The following BRIP1 variants were observed in gnomAD, a reference collection of about 807,000 sequenced individuals.
BRIP1 encodes Fanconi anemia group J protein.
In BRIP1, 88 loss-of-function variants were observed where a neutral mutation model predicts 119.7. The observed-to-expected ratio is 0.74, with a 90% CI of 0.62 to 0.88. The LOEUF (loss-of-function observed/expected upper bound fraction) is 0.88, where lower values mean the gene tolerates loss of function less well. BRIP1 is among the 40% of genes least tolerant of loss of function. BRIP1 has a pLI of 0.00. For missense variants in BRIP1, 1,259 were observed against 1,455.4 expected (o/e 0.87, Z 2.20); for synonymous variants, 443 against 496.5 (o/e 0.89, Z 1.43).
At position 61,816,251 on chromosome 17, in the gene BRIP1, T is replaced by C. The variant is rs897027091; in HGVS notation, c.628-7494A>G. On this transcript the variant is annotated intron_variant, in intron 6 of 19. Transcript: ENST00000259008. The surrounding 1 kb of genome is among the most constrained non-coding windows in gnomAD (Gnocchi z 5.0). ...AGATACAGTGTCAGGTGAGAGTGTG[T>C]AATACAAATCCACAACTTTCTTCAT... 1.3e-5 allele frequency among the ~76,000 whole-genome samples: 2 copies of C among 152,182 alleles called. No homozygotes were observed. Among genetic ancestry groups the C allele is most frequent in the African/African-American group, 4.8e-5 (2 of 41,438 alleles).
Position 61,823,968 on chromosome 17 carries a change from C to T in BRIP1, c.628-15211G>A, listed in dbSNP as rs942412643. Among the ~76,000 whole-genome samples the T allele has an allele frequency of 3.3e-5, 5 of 152,176 alleles. No homozygotes were observed. In the South Asian group the frequency reaches 8.3e-4, roughly 25 times the overall value. ...AGCAGAGATTACAGGCATGTGCCGCCGCACCTGCCTAATTTTTTGTATTTT... is the reference window on the plus strand; with the variant it reads ...AGCAGAGATTACAGGCATGTGCCGCTGCACCTGCCTAATTTTTTGTATTTT... On this transcript the variant is annotated intron_variant, in intron 6 of 19. Coordinates refer to ENST00000259008, the MANE Select transcript of BRIP1 (RefSeq NM_032043.3). The surrounding 1 kb of genome is among the most constrained non-coding windows in gnomAD (Gnocchi z 4.8).
intron 16 of BRIP1, among the ~76,000 whole-genome samples, chr17:61,728,273 T>G (rs1422586098): frequency 6.6e-6 from 1 of 151,780 alleles, no homozygotes; most frequent in African/African-American, 2.4e-5. Context: ...AACTCATGCT[T>G]TATCTTAGAA....
intron 10 of BRIP1, among the ~76,000 whole-genome samples, 156 bp from the exon 11 acceptor site, chr17:61,784,580 T>C (rs1292359275): frequency 6.6e-6 from 1 of 152,176 alleles, no homozygotes. Context: ...AAATCTGATA[T>C]TGAAATTTCA....
chr17:61,797,449 T>C (rs1041794491), intron 9 of BRIP1, among the ~76,000 whole-genome samples: 3 of 152,004 alleles, frequency 2.0e-5, no homozygotes, highest in South Asian at 2.1e-4. Flanking sequence ...TATTTGGCAA[T>C]ATAGAGATCA....
At chr17:61,765,486 G>A (rs1180874467) in intron 14 of BRIP1, among the ~76,000 whole-genome samples, 10 of 121,468 alleles carry the variant, frequency 8.2e-5, no homozygotes, top group Non-Finnish European at 1.6e-5. Context: ...GCCCAGGCTG[G>A]AGTGCATGGC....
rs2077415534 is a variant in BRIP1, at chr17:61,769,346, T to G, written c.2097+7055A>C. Among the ~76,000 whole-genome samples, 1 of 152,222 alleles carries G rather than the reference T, an allele frequency of 6.6e-6. No individual in the cohort carries two copies. Among genetic ancestry groups the G allele is most frequent in the Non-Finnish European group, 1.5e-5 (1 of 68,036 alleles). On this transcript the variant is annotated intron_variant, in intron 14 of 19. Transcript: ENST00000259008. The surrounding 1 kb of genome is among the most constrained non-coding windows in gnomAD (Gnocchi z 4.9). Reference sequence around the variant, plus strand: ...AGAACTAATACAACCCATCTAATTATATTTCAATCCTGGTTCCTCATGTCC... The same window carrying G: ...AGAACTAATACAACCCATCTAATTAGATTTCAATCCTGGTTCCTCATGTCC...
In BRIP1 at chr17:61,842,061, T is replaced by C. The variant is rs2078665863; in HGVS notation, c.627+5040A>G. ...AAATGTCCATCAACAGATGAATGGA[T>C]AAAGAAAATGTGACACATATACACA... On this transcript the variant is annotated intron_variant, in intron 6 of 19. Transcript: ENST00000259008. The surrounding 1 kb of genome is among the most constrained non-coding windows in gnomAD (Gnocchi z 5.1). Among the ~76,000 whole-genome samples the C allele has an allele frequency of 6.6e-6, 1 of 152,000 alleles. No homozygotes were observed. The highest frequency in any genetic ancestry group is 2.4e-5 in the African/African-American group (1 of 41,362).
chr17:61,838,419 G>T (rs990263912), intron 6 of BRIP1, among the ~76,000 whole-genome samples: 2 of 151,796 alleles, frequency 1.3e-5, no homozygotes, highest in Non-Finnish European at 2.9e-5. Flanking sequence ...GGTGACGGGC[G>T]CCTGTAGTCC....
chr17:61,689,685 A>G lies in BRIP1; in HGVS notation c.2576-3520T>C, dbSNP rs1268846949. 1.3e-5 allele frequency among the ~76,000 whole-genome samples: 2 copies of G among 152,162 alleles called. No individual in the cohort carries two copies. The highest frequency in any genetic ancestry group is 4.8e-5 in the African/African-American group (2 of 41,444). ...AGAAATTTGAAAACAGCAAGATAAA[A>G]GCAACTTGTCATATACAAATGAAGT... On this transcript the variant is annotated intron_variant, in intron 18 of 19. Transcript: ENST00000259008. This position sits in a 1 kb window ranked among gnomAD's most constrained non-coding sequence, Gnocchi z 4.5.
rs751494019 is a variant in BRIP1, at chr17:61,687,617, A to AT, written c.2576-1453dup. Reference sequence around the variant, plus strand: ...ACATCTCTTTATTATAATAAAATGTATTTTTTTTTTAGCTAAAAGGTAATA... The same window carrying AT: ...ACATCTCTTTATTATAATAAAATGTATTTTTTTTTTTAGCTAAAAGGTAATA... On this transcript the variant is annotated intron_variant, in intron 18 of 19. Transcript: ENST00000259008. The surrounding 1 kb of genome is among the most constrained non-coding windows in gnomAD (Gnocchi z 5.1). Among the ~76,000 whole-genome samples the AT allele has an allele frequency of 1.3e-3, 202 of 149,808 alleles. 1 individual carries two copies. The highest frequency in any genetic ancestry group is 3.8e-3 in the African/African-American group (156 of 40,988).
Position 61,693,337 on chromosome 17 carries a change from T to C in BRIP1, c.2575+93A>G, listed in dbSNP as rs1603280368. 2.0e-5 allele frequency: 22 copies of C among 1,115,430 alleles called. No homozygotes were observed. The East Asian group carries it at 5.2e-4, about 26-fold the overall frequency. The allele number at this position is 1,115,430 out of a possible 1,614,324, so 69.1% of individuals were successfully genotyped here. A position where few individuals can be genotyped will look rare whatever the true frequency, so the allele number is the denominator to read the frequency against. On this transcript the variant is annotated intron_variant, in intron 18 of 19. Coordinates refer to ENST00000259008, the MANE Select transcript of BRIP1 (RefSeq NM_032043.3). The surrounding 1 kb of genome is among the most constrained non-coding windows in gnomAD (Gnocchi z 4.2). ...TAACAATATTGTACTGTGCACTTAA[T>C]AAGATAGTAGAGCTCATGTTATGTG... is the stretch of plus-strand genomic sequence containing the variant.
rs574396049 is a variant in BRIP1, at chr17:61,695,434, T to C, written c.2493-1922A>G. On this transcript the variant is annotated intron_variant, in intron 17 of 19. Coordinates refer to ENST00000259008, the MANE Select transcript of BRIP1 (RefSeq NM_032043.3). This position sits in a 1 kb window ranked among gnomAD's most constrained non-coding sequence, Gnocchi z 4.3. ...TAGAAAACTGTTTGTTCTCCTAGTA[T>C]GTTCTTCTTTTTCAAGATTGTTTTG... Among the ~76,000 whole-genome samples the C allele has an allele frequency of 1.4e-5, 2 of 142,836 alleles. No homozygotes were observed. The highest frequency in any genetic ancestry group is 6.1e-5 in the African/African-American group (2 of 32,638). The allele number at this position is 142,836 out of a possible 152,430, so 93.7% of individuals were successfully genotyped here. A position where few individuals can be genotyped will look rare whatever the true frequency, so the allele number is the denominator to read the frequency against.
chr17:61,745,931 A>G lies in BRIP1; in HGVS notation c.2098-1340T>C, dbSNP rs932009529. On this transcript the variant is annotated intron_variant, in intron 14 of 19. Transcript: ENST00000259008. The surrounding 1 kb of genome is among the most constrained non-coding windows in gnomAD (Gnocchi z 4.4). ...AAAGAAGTTAATAATAAAGCTGAATAAATGAAAAAGACAAAAGCTAATATT... is the reference window on the plus strand; with the variant it reads ...AAAGAAGTTAATAATAAAGCTGAATGAATGAAAAAGACAAAAGCTAATATT... 7.2e-5 allele frequency among the ~76,000 whole-genome samples: 11 copies of G among 152,336 alleles called. No homozygotes were observed. Among genetic ancestry groups the G allele is most frequent in the Admixed American group, 3.9e-4 (6 of 15,302 alleles).
rs532904336 is a variant in BRIP1, at chr17:61,687,133, G to A, written c.2576-968C>T. On this transcript the variant is annotated intron_variant, in intron 18 of 19. Coordinates refer to ENST00000259008, the MANE Select transcript of BRIP1 (RefSeq NM_032043.3). The surrounding 1 kb of genome is among the most constrained non-coding windows in gnomAD (Gnocchi z 5.1). ...CTCACATGTATAATCCCAGCATTTG[G>A]GGAGGCTGAGGTGGGAAGATTGCTT... Among the ~76,000 whole-genome samples, 65 of 152,164 alleles carry A rather than the reference G, an allele frequency of 4.3e-4. No homozygotes were observed. The highest frequency in any genetic ancestry group is 1.6e-3 in the African/African-American group (65 of 41,514).
At chr17:61,772,891 A>T (rs2077479784) in intron 14 of BRIP1, among the ~76,000 whole-genome samples, 1 of 151,846 alleles carries the variant, frequency 6.6e-6, no homozygotes, top group Non-Finnish European at 1.5e-5. Context: ...ATGACAATAA[A>T]TATCAGAAAA....
chr17:61,829,197 CTT>C (rs1390697916), intron 6 of BRIP1, among the ~76,000 whole-genome samples: 4 of 152,026 alleles, frequency 2.6e-5, no homozygotes, highest in Admixed American at 1.3e-4. Flanking sequence ...TTATAAGAAA[CTT>C]ATCTTAAATC....
rs2078142421 is a variant in BRIP1 at position 61,810,304 on chromosome 17, A to G, written c.628-1547T>C. On this transcript the variant is annotated intron_variant, in intron 6 of 19. Transcript: ENST00000259008. The surrounding 1 kb of genome is among the most constrained non-coding windows in gnomAD (Gnocchi z 4.7). ...GCAGGAAACAGCTGACATGTGGTTT[A>G]TGTTACATATGTTGCAATATCCAAC... Among the ~76,000 whole-genome samples, 1 of 152,240 alleles carries G rather than the reference A, an allele frequency of 6.6e-6. No homozygotes were observed. The highest frequency in any genetic ancestry group is 2.4e-5 in the African/African-American group (1 of 41,466).
rs864622510 is a variant in BRIP1, at chr17:61,808,755, G to C, written c.630C>G (p.Pro210=). 1 of 1,612,042 alleles carries C rather than the reference G, an allele frequency of 6.2e-7. No individual in the cohort carries two copies. Among genetic ancestry groups the C allele is most frequent in the East Asian group, 2.2e-5 (1 of 44,886 alleles). Residue 210 remains proline (P), a splice_region_variant and synonymous_variant, in exon 7 of 20, where the codon CCC becomes CCG. Transcript: ENST00000259008. The surrounding 1 kb of genome is among the most constrained non-coding windows in gnomAD (Gnocchi z 4.1). ...EKINSFSPQK[P]PGHCSRCCCS... Reference sequence around the variant, plus strand: ...AACAGCACCTAGAACAGTGGCCAGGGGGCTGTAAGAAAGGAAAGAAACGAT... The same window carrying C: ...AACAGCACCTAGAACAGTGGCCAGGCGGCTGTAAGAAAGGAAAGAAACGAT...
At chr17:61,692,178 T>C (rs2061457527) in intron 18 of BRIP1, among the ~76,000 whole-genome samples, 1 of 152,256 alleles carries the variant, frequency 6.6e-6, no homozygotes, top group African/African-American at 2.4e-5. Context: ...GCCATGATTC[T>C]TGTGCAGCCT....
Sources: gnomAD v4.1 joint callset for allele counts (sites outside exome capture counted in the v4.1 genomes callset) on GRCh38, gnomAD v4.1.1 for gene constraint, Gnocchi (gnomAD v3.1) non-coding constraint, MANE v1.5 for transcripts, NCBI Gene and HGNC (gene_info 2026-07-23, HGNC 2026-07-21) for gene names.